Variants in FSHR observed in about 807,000 individuals in gnomAD.
FSHR encodes follicle stimulating hormone receptor.
Under a neutral mutation model 52.1 loss-of-function variants are expected in FSHR, and 46 were observed. That is an observed-to-expected ratio of 0.88 (90% confidence interval 0.70 to 1.13). FSHR has a LOEUF of 1.13. FSHR is among the 50% of genes most tolerant of loss of function. The probability of loss-of-function intolerance (pLI) is 0.00; values close to 1 mark genes in which losing one functional copy is unlikely to be tolerated. For synonymous variants in FSHR, 399 were observed against 309.6 expected, an observed-to-expected ratio of 1.29 and a Z score of -3.03; for missense variants, 964 against 834.6, an observed-to-expected ratio of 1.16 and a Z score of -1.91.
chr2:49,140,161 A>T (rs1288560687), intron 1 of FSHR, among the ~76,000 whole-genome samples: 2 of 152,016 alleles, frequency 1.3e-5, no homozygotes, highest in African/African-American at 4.8e-5. Flanking sequence ...TATAATCCCC[A>T]ATTTTGGAGC....
At chr2:49,024,212 A>T (rs1667839143) in intron 2 of FSHR, among the ~76,000 whole-genome samples, 1 of 152,114 alleles carries the variant, frequency 6.6e-6, no homozygotes, top group African/African-American at 2.4e-5. Flanking sequence ...AGAATGGCAC[A>T]TGTATACCTA....
intron 1 of FSHR, among the ~76,000 whole-genome samples, chr2:49,130,908 A>G (rs911776942): frequency 1.3e-5 from 2 of 152,214 alleles, no homozygotes; most frequent in Non-Finnish European, 2.9e-5. Context: ...AGTTCAAACT[A>G]CAGCAAAATA....
At chr2:49,117,375 G>T (rs757141970) in intron 1 of FSHR, among the ~76,000 whole-genome samples, 2 of 152,186 alleles carry the variant, frequency 1.3e-5, no homozygotes, top group Non-Finnish European at 2.9e-5. Flanking sequence ...ATGTGATAGA[G>T]CTTGCTTTGG....
intron 1 of FSHR, among the ~76,000 whole-genome samples, chr2:49,071,155 T>A (rs1000928626): frequency 4.6e-5 from 7 of 152,152 alleles, no homozygotes; most frequent in African/African-American, 1.4e-4. Flanking sequence ...CAATTTAAAT[T>A]ACAATGAAAT....
chr2:49,003,088 T>G lies in FSHR; in HGVS notation c.375-12451A>C, dbSNP rs539133859. 2.0e-5 allele frequency among the ~76,000 whole-genome samples: 3 copies of G among 152,276 alleles called. No homozygotes were observed. In the East Asian group the frequency reaches 5.8e-4, roughly 29 times the overall value. On this transcript the variant is annotated intron_variant, in intron 4 of 9. Coordinates refer to ENST00000406846, the MANE Select transcript of FSHR (RefSeq NM_000145.4). ...TGAACTAGATGTTATTTGTGGATTG[T>G]TTTCTGTGGGTGAGCTCGTGATTAA... is the stretch of plus-strand genomic sequence containing the variant.
chr2:48,963,297 G>C lies in FSHR; in HGVS notation c.1524C>G (p.Ile508Met), dbSNP rs751733216. Residue 508 changes from isoleucine (I) to methionine (M), a missense_variant, in exon 10 of 10, where the codon ATC becomes ATG. Ile to Met is a conservative substitution (Grantham distance 10). Transcript: ENST00000406846. ...FAAALFPIFG[I>M]SSYMKVSICL... Reference sequence around the variant, plus strand: ...AGATGCTCACCTTCATGTAGCTGCTGATGCCAAAGATGGGAAAGAGGGCAG... The same window carrying C: ...AGATGCTCACCTTCATGTAGCTGCTCATGCCAAAGATGGGAAAGAGGGCAG... The C allele has an allele frequency of 1.2e-6, 2 of 1,614,100 alleles. No homozygotes were observed. The highest frequency in any genetic ancestry group is 8.5e-7 in the Non-Finnish European group (1 of 1,179,994).
chr2:49,059,876 A>G (rs1669221048), intron 2 of FSHR, among the ~76,000 whole-genome samples: 1 of 152,198 alleles, frequency 6.6e-6, no homozygotes, highest in Non-Finnish European at 1.5e-5. Context: ...ATATCAAACC[A>G]AAAAGCTGCA....
rs114080523 is a variant in FSHR at position 49,048,830 on chromosome 2, G to A, written c.224+19389C>T. Among the ~76,000 whole-genome samples, 698 of 152,214 alleles carry A rather than the reference G, an allele frequency of 4.6e-3. 3 individuals are homozygous for A. Among genetic ancestry groups the A allele is most frequent in the African/African-American group, 0.016 (682 of 41,524 alleles). On this transcript the variant is annotated intron_variant, in intron 2 of 9. Coordinates refer to ENST00000406846, the MANE Select transcript of FSHR (RefSeq NM_000145.4). ...GGCCAGGGTGAATCTGAGCACTGCA[G>A]GGGAGGTTTATGAAGTGTAAGATTC... is the stretch of plus-strand genomic sequence containing the variant.
At chr2:49,120,585 T>C (rs542561082) in intron 1 of FSHR, among the ~76,000 whole-genome samples, 3 of 152,332 alleles carry the variant, frequency 2.0e-5, no homozygotes, top group Non-Finnish European at 4.4e-5. Flanking sequence ...CATAGCACTC[T>C]AGCAATCTCT....
intron 2 of FSHR, among the ~76,000 whole-genome samples, chr2:49,055,789 G>A (rs1022399028): frequency 2.6e-5 from 4 of 151,878 alleles, no homozygotes; most frequent in Non-Finnish European, 4.4e-5. Context: ...TGCGAGACAA[G>A]AATACTATAC....
chr2:48,983,065 A>T (rs1675325294), intron 7 of FSHR, 33 bp downstream of exon 7: 1 of 1,611,852 alleles, frequency 6.2e-7, no homozygotes, highest in Non-Finnish European at 8.5e-7. Flanking sequence ...ATTTCCCTTT[A>T]AATGGCCTTG....
At chr2:48,999,764 C>G (rs1008248448) in intron 4 of FSHR, among the ~76,000 whole-genome samples, 1 of 152,040 alleles carries the variant, frequency 6.6e-6, no homozygotes, top group Non-Finnish European at 1.5e-5. Context: ...ATTCTCAGAG[C>G]CTTTACCATG....
At chr2:49,119,706 G>A (rs1422203593) in intron 1 of FSHR, among the ~76,000 whole-genome samples, 1 of 152,054 alleles carries the variant, frequency 6.6e-6, no homozygotes, top group East Asian at 1.9e-4. Flanking sequence ...CCTTTGCAGT[G>A]GTTATGATTG....
chr2:49,086,635 T>C (rs1451258994), intron 1 of FSHR, among the ~76,000 whole-genome samples: 1 of 152,146 alleles, frequency 6.6e-6, no homozygotes, highest in Non-Finnish European at 1.5e-5. Flanking sequence ...TTATTTTATT[T>C]CTTATTTTTT....
At chr2:49,041,887 C>CT (rs1328057022) in intron 2 of FSHR, among the ~76,000 whole-genome samples, 1 of 152,128 alleles carries the variant, frequency 6.6e-6, no homozygotes, top group East Asian at 1.9e-4. Flanking sequence ...TGGCTCATGC[C>CT]TTTTATCTTA....
rs1202677201 is a variant in FSHR, at chr2:48,963,875, C to A, written c.946G>T (p.Glu316Ter). 1 of 1,614,138 alleles carries A rather than the reference C, an allele frequency of 6.2e-7. No individual in the cohort carries two copies. ...CTGCTGTAGCTGGACTCATTGTCTT[C>A]TGCCAGAGAGGATCTCTGACCCCTA... The part of the protein sequence containing the change: ...QARGQRSSLA[E>*]DNESSYSRGF... Residue 316 changes from glutamate (E) to a stop codon, truncating the protein, a stop_gained, in exon 10 of 10, where the codon GAA becomes TAA. Coordinates refer to ENST00000406846, the MANE Select transcript of FSHR (RefSeq NM_000145.4). LOFTEE classifies it high-confidence loss of function.
At position 49,064,616 on chromosome 2, in the gene FSHR, G is replaced by A. The variant is rs544645310; in HGVS notation, c.224+3603C>T. On this transcript the variant is annotated intron_variant, in intron 2 of 9. Transcript: ENST00000406846. ...AGTATTTTGTTATAGCAGCACAAAC[G>A]GACTAAGATACCAGGGAAAGATTGT... Among the ~76,000 whole-genome samples, 6 of 152,120 alleles carry A rather than the reference G, an allele frequency of 3.9e-5. No homozygotes were observed. The South Asian group carries it at 6.2e-4, about 16-fold the overall frequency.
Position 48,963,377 on chromosome 2 carries a change from G to T in FSHR, c.1444C>A (p.Gln482Lys). The part of the protein sequence containing the change: ...THAMQLDCKV[Q>K]LRHAASVMVM... ...ATGACACTGGCAGCATGGCGGAGCT[G>T]CACCTTGCAGTCCAGCTGCATGGCA... The change falls in exon 10 of 10, where the codon CAG becomes AAG. Residue 482 changes from glutamine to lysine, a missense_variant. Gln to Lys is a moderately conservative substitution (Grantham distance 53). Transcript: ENST00000406846. The T allele has an allele frequency of 6.2e-7, 1 of 1,614,044 alleles. No homozygotes were observed. The highest frequency in any genetic ancestry group is 1.7e-4 in the Middle Eastern group (1 of 6,060).
chr2:48,963,308 T>A lies in FSHR; in HGVS notation c.1513A>T (p.Ile505Phe), dbSNP rs1674316882. 6.2e-7 allele frequency: 1 copy of A among 1,613,912 alleles called. No individual in the cohort carries two copies. ...TTCATGTAGCTGCTGATGCCAAAGA[T>A]GGGAAAGAGGGCAGCTGCAAAAGCA... ...IFAFAAALFP[I>F]FGISSYMKVS... The change falls in exon 10 of 10, where the codon ATC becomes TTC. Residue 505 changes from isoleucine to phenylalanine, a missense_variant. Ile to Phe is a conservative substitution (Grantham distance 21, BLOSUM62 0). Transcript: ENST00000406846.
Sources: gnomAD v4.1 joint callset for allele counts (sites outside exome capture counted in the v4.1 genomes callset) on GRCh38, gnomAD v4.1.1 for gene constraint, MANE v1.5 for transcripts, NCBI Gene and HGNC (gene_info 2026-07-23, HGNC 2026-07-21) for gene names.